Variants in TLE2 observed in about 807,000 individuals in gnomAD.
The protein encoded by TLE2 is TLE family member 2, transcriptional corepressor.
In TLE2, 74 loss-of-function variants were observed where a neutral mutation model predicts 97.2. The observed-to-expected ratio is 0.76, with a 90% confidence interval of 0.63 to 0.92. The LOEUF (loss-of-function observed/expected upper bound fraction) is 0.92. Ranked by LOEUF, TLE2 falls within the 40% of genes least tolerant of loss-of-function variation. TLE2 has a pLI of 0.00. For synonymous variants in TLE2, 499 were observed against 432.1 expected (o/e 1.15, Z -1.92); for missense variants, 1,038 against 1,008.7 (o/e 1.03, Z -0.39).
At chr19:3,014,206 C>T (rs1379876998) in intron 10 of TLE2, among the ~76,000 whole-genome samples, 1 of 152,126 alleles carries the variant, frequency 6.6e-6, no homozygotes. Flanking sequence ...AGGTGTGAGC[C>T]ACCACGCCCG....
Position 2,997,811 on chromosome 19 carries a change from G to T in TLE2, c.*37C>A. The T allele has an allele frequency of 6.8e-7, 1 of 1,468,104 alleles. No individual in the cohort carries two copies. Among genetic ancestry groups the T allele is most frequent in the South Asian group, 1.2e-5 (1 of 84,042 alleles). 90.9% of individuals were successfully genotyped at this position (1,468,104 alleles called of 1,614,324 possible). On this transcript the variant is annotated 3_prime_UTR_variant, in exon 20 of 20. Coordinates refer to ENST00000262953, the MANE Select transcript of TLE2 (RefSeq NM_003260.5). ...CTGTCCTGGCTGCTGATTCCCCTGG[G>T]AGTCTGGACTTCGGGTACAGGAAGG...
intron 2 of TLE2, 33 bp from the exon 3 acceptor site, chr19:3,028,415 C>T (rs1199222241): frequency 6.4e-7 from 1 of 1,569,570 alleles, no homozygotes; most frequent in South Asian, 1.2e-5. Flanking sequence ...GGGGCTCCCA[C>T]CCGCCCCATG....
chr19:3,035,813 G>A (rs968225401), intron 1 of TLE2, among the ~76,000 whole-genome samples: 1 of 152,168 alleles, frequency 6.6e-6, no homozygotes, highest in Non-Finnish European at 1.5e-5. Context: ...GGCGGGGTTT[G>A]GCGAGTGTGG....
chr19:3,021,090 A>AAC (rs1209007948), intron 5 of TLE2, among the ~76,000 whole-genome samples: 3,696 of 50,150 alleles, frequency 0.074, 220 homozygotes, highest in African/African-American at 0.12. Context: ...CCCAGTCTCA[A>AAC]AAAAAAAAAA....
intron 4 of TLE2, 80 bp from the exon 5 acceptor site, chr19:3,025,162 G>A (rs779113977): frequency 1.4e-6 from 2 of 1,406,042 alleles, no homozygotes; most frequent in East Asian, 2.6e-5. Context: ...CGGACCAGGT[G>A]TTGGCAAAGC....
upstream of TLE2, among the ~76,000 whole-genome samples, chr19:3,032,974 TCCAGGCTGGA>T (rs2090037056): frequency 2.0e-5 from 3 of 151,030 alleles, no homozygotes; most frequent in Admixed American, 6.6e-5. This position sits in a 1 kb window ranked among gnomAD's most constrained non-coding sequence, Gnocchi z 4.1. Context: ...TGCTCTGTCG[TCCAGGCTGGA>T]GTGCAGTGGC....
chr19:3,017,638 A>G (rs1261274498), intron 8 of TLE2, among the ~76,000 whole-genome samples: 1 of 151,336 alleles, frequency 6.6e-6, no homozygotes, highest in Non-Finnish European at 1.5e-5. Context: ...TTTTCTGTAG[A>G]GACGGGGTTT....
At chr19:3,009,925 G>T (rs957029437) in intron 12 of TLE2, among the ~76,000 whole-genome samples, 1 of 149,760 alleles carries the variant, frequency 6.7e-6, no homozygotes, top group Non-Finnish European at 1.5e-5. Flanking sequence ...TTGCTCTGTC[G>T]CCAGGCTGGA....
At chr19:3,034,612 A>G (rs1185561962) in intron 1 of TLE2, among the ~76,000 whole-genome samples, 1 of 151,126 alleles carries the variant, frequency 6.6e-6, no homozygotes, top group East Asian at 2.0e-4. Context: ...GGCCCAACCC[A>G]AAAACTGTCT....
chr19:3,026,855 G>T (rs911820673), intron 4 of TLE2, among the ~76,000 whole-genome samples: 1 of 152,066 alleles, frequency 6.6e-6, no homozygotes. Context: ...GAACCTTGAG[G>T]TCTATCTCAG....
chr19:3,039,112 G>A (rs2090081915), intron 1 of TLE2, among the ~76,000 whole-genome samples: 1 of 151,344 alleles, frequency 6.6e-6, no homozygotes, highest in African/African-American at 2.4e-5. Context: ...AGCTGCTTGG[G>A]AGGCTGAGAC....
rs770982773 is a variant in TLE2 at position 3,009,572 on chromosome 19, G to A, written c.1143C>T (p.Ser381=). ...GGGAGCGTCCGTACACCACAGAGCT[G>A]CTGACCTGGGGGGACAGGTGGAGGC... ...YVSLHLSPQV[S]SSVVYGRSPV... The change falls in exon 13 of 20, where the codon AGC becomes AGT. Residue 381 remains serine, a synonymous_variant. Coordinates refer to ENST00000262953, the MANE Select transcript of TLE2 (RefSeq NM_003260.5). The A allele has an allele frequency of 6.2e-7, 1 of 1,613,240 alleles. No individual in the cohort carries two copies. The highest frequency in any genetic ancestry group is 8.5e-7 in the Non-Finnish European group (1 of 1,179,610).
At chr19:3,028,675 C>T (rs908957816) in intron 2 of TLE2, 31 bp downstream of exon 2, 1 of 1,609,974 alleles carries the variant, frequency 6.2e-7, no homozygotes, top group Admixed American at 1.7e-5. Flanking sequence ...CCCAGGTGAA[C>T]TCCCGCGGCC....
Position 3,019,348 on chromosome 19 carries a change from G to A in TLE2, c.485C>T (p.Ala162Val). ...GLLALSGALA[A>V]QAQLAAAVKE... ...GACAGCCGCCGCCAGCTGAGCCTGG[G>A]CAGCCAGGGCTCCAGACAGAGCAAG... Residue 162 changes from alanine (A) to valine (V), a missense_variant, in exon 7 of 20, where the codon GCC becomes GTC. Ala to Val is a moderately conservative substitution (Grantham distance 64, BLOSUM62 0). Coordinates refer to ENST00000262953, the MANE Select transcript of TLE2 (RefSeq NM_003260.5). This position sits in a 1 kb window ranked among gnomAD's most constrained non-coding sequence, Gnocchi z 5.1. 1 of 1,566,530 alleles carries A rather than the reference G, an allele frequency of 6.4e-7. No individual in the cohort carries two copies. The highest frequency in any genetic ancestry group is 8.6e-7 in the Non-Finnish European group (1 of 1,164,072).
chr19:3,029,997 G>T (rs569513596), upstream of TLE2, among the ~76,000 whole-genome samples: 7 of 152,092 alleles, frequency 4.6e-5, no homozygotes, highest in Admixed American at 3.9e-4. Flanking sequence ...GAGTAGGGGG[G>T]CGTCTCACTA....
intron 1 of TLE2, chr19:3,045,637 T>A (rs762397504): frequency 7.5e-5 from 28 of 371,896 alleles, no homozygotes; most frequent in Non-Finnish European, 3.9e-5. Flanking sequence ...GCCAACATGG[T>A]GAAACCACCC....
At chr19:3,015,223 A>T (rs1362399223) in intron 9 of TLE2, among the ~76,000 whole-genome samples, 1 of 152,174 alleles carries the variant, frequency 6.6e-6, no homozygotes, top group African/African-American at 2.4e-5. Flanking sequence ...CCCATTCCCC[A>T]CATTCGGCCT....
chr19:3,028,514 C>T, intron 2 of TLE2, 132 bp from the exon 3 acceptor site: 1 of 1,055,454 alleles, frequency 9.5e-7, no homozygotes, highest in Non-Finnish European at 1.4e-6. Flanking sequence ...TCCCTCCCCG[C>T]CCCTTCCTGG....
At chr19:3,016,974 C>T (rs546805927) in intron 8 of TLE2, among the ~76,000 whole-genome samples, 63 of 148,528 alleles carry the variant, frequency 4.2e-4, no homozygotes, top group Non-Finnish European at 6.8e-4. Context: ...GATATGGTTT[C>T]GCCATGTTGG....
Sources: allele counts gnomAD v4.1 joint callset (sites outside exome capture counted in the v4.1 genomes callset), GRCh38; gene constraint gnomAD v4.1.1; non-coding constraint Gnocchi (gnomAD v3.1); transcripts MANE v1.5; gene names NCBI Gene and HGNC (gene_info 2026-07-23, HGNC 2026-07-21).